The following MEIS2 variants were observed in gnomAD, a reference collection of about 807,000 sequenced individuals.
MEIS2 encodes the protein homeobox protein Meis2.
MEIS2 carries 9 observed loss-of-function variants against 58.6 expected under a neutral mutation model. That is an observed-to-expected ratio of 0.15 (90% CI 0.09 to 0.27). The LOEUF (loss-of-function observed/expected upper bound fraction) is 0.27. Among genes scored for constraint, MEIS2 ranks in the 10% least tolerant of loss-of-function variants. The pLI, the probability that MEIS2 is intolerant of heterozygous loss-of-function variation, is 1.00. For synonymous variants in MEIS2, 221 were observed against 228.4 expected, an observed-to-expected ratio of 0.97 and a Z score of 0.29; for missense variants, 427 against 635.0, an observed-to-expected ratio of 0.67 and a Z score of 3.52.
intron 8 of MEIS2, among the ~76,000 whole-genome samples, chr15:36,975,214 G>GCATTTAGAGCA (rs1463419160): frequency 1.3e-5 from 2 of 152,206 alleles, no homozygotes. Flanking sequence ...CATTTTTAGT[G>GCATTTAGAGCA]TTTTATTTAT....
intron 8 of MEIS2, among the ~76,000 whole-genome samples, chr15:37,012,029 T>C (rs1398731337): frequency 6.6e-6 from 1 of 152,162 alleles, no homozygotes; most frequent in Admixed American, 6.5e-5. Flanking sequence ...TACAAACCTG[T>C]GTAGCAGTTT....
intron 8 of MEIS2, among the ~76,000 whole-genome samples, chr15:37,030,362 T>C (rs1025264843): frequency 4.0e-5 from 6 of 151,204 alleles, no homozygotes; most frequent in African/African-American, 1.5e-4. Context: ...GGTATTTCCA[T>C]TTTTTTTTCT....
chr15:36,895,613 A>T (rs2290187), intron 10 of MEIS2, among the ~76,000 whole-genome samples: 3,063 of 152,338 alleles, frequency 0.02, 42 homozygotes, highest in East Asian at 0.088. Context: ...TGAGGCTGCC[A>T]TCTCTGGTGG....
chr15:37,094,482 A>G (rs368906542), intron 5 of MEIS2, 45 bp downstream of exon 5: 1 of 1,582,666 alleles, frequency 6.3e-7, no homozygotes, highest in South Asian at 1.1e-5. Flanking sequence ...CAACTAGGAG[A>G]GGGAAATGGT....
At chr15:37,071,784 C>T (rs1032440144) in intron 7 of MEIS2, among the ~76,000 whole-genome samples, 1 of 152,034 alleles carries the variant, frequency 6.6e-6, no homozygotes, top group Non-Finnish European at 1.5e-5. Context: ...GAGGCCATAC[C>T]TTTAACCACT....
intron 6 of MEIS2, among the ~76,000 whole-genome samples, chr15:37,087,134 C>T (rs1371800880): frequency 6.6e-6 from 1 of 152,024 alleles, no homozygotes; most frequent in Admixed American, 6.6e-5. Flanking sequence ...CGCCGGGTGC[C>T]CGTGTATGAC....
At chr15:37,044,807 G>A (rs2062592566) in intron 7 of MEIS2, among the ~76,000 whole-genome samples, 1 of 152,112 alleles carries the variant, frequency 6.6e-6, no homozygotes, top group Non-Finnish European at 1.5e-5. Context: ...GTTTGTCTGT[G>A]AGCTTTTGCT....
At chr15:36,943,983 G>C (rs2058466802) in intron 9 of MEIS2, among the ~76,000 whole-genome samples, 1 of 152,064 alleles carries the variant, frequency 6.6e-6, no homozygotes, top group African/African-American at 2.4e-5. Context: ...CTACAAGATA[G>C]AAGGGTGTCT....
chr15:37,055,879 C>T (rs1486059121), intron 7 of MEIS2, among the ~76,000 whole-genome samples: 1 of 152,160 alleles, frequency 6.6e-6, no homozygotes, highest in Admixed American at 6.5e-5. Flanking sequence ...TATTATCTCC[C>T]GTAGTGATTT....
At chr15:37,095,865 C>T (rs1894159513) in intron 3 of MEIS2, 1 of 556,666 alleles carries the variant, frequency 1.8e-6, no homozygotes, top group African/African-American at 1.9e-5. Context: ...TTCTCAGGGC[C>T]TCGAGTTCCA....
chr15:37,059,663 G>A (rs1458506773), intron 7 of MEIS2, among the ~76,000 whole-genome samples: 2 of 151,692 alleles, frequency 1.3e-5, no homozygotes, highest in African/African-American at 4.8e-5. Context: ...TAGGCAAGGT[G>A]TGATGGCTTA....
intron 7 of MEIS2, among the ~76,000 whole-genome samples, chr15:37,071,369 G>A (rs1056811441): frequency 2.0e-5 from 3 of 152,004 alleles, no homozygotes; most frequent in African/African-American, 7.2e-5. Context: ...CTAGAAGTCC[G>A]GGCTTGGGGC....
rs532189433 is a variant in MEIS2 at position 36,988,389 on chromosome 15, G to A, written c.901-37989C>T. Reference sequence around the variant, plus strand: ...TTCCTTGTTTATCTATTTCTTAATTGTATTCCAAATACGAGTTCAGAGACA... The same window carrying A: ...TTCCTTGTTTATCTATTTCTTAATTATATTCCAAATACGAGTTCAGAGACA... On this transcript the variant is annotated intron_variant, in intron 8 of 11. Coordinates refer to ENST00000561208, the MANE Select transcript of MEIS2 (RefSeq NM_170675.5). Among the ~76,000 whole-genome samples the A allele has an allele frequency of 5.9e-5, 9 of 152,200 alleles. No homozygotes were observed. The South Asian group carries it at 1.7e-3, about 28-fold the overall frequency.
chr15:36,914,218 G>C (rs11635240), intron 9 of MEIS2, among the ~76,000 whole-genome samples: 14,628 of 152,242 alleles, frequency 0.096, 854 homozygotes, highest in East Asian at 0.18. Context: ...GACAAAGGAA[G>C]ATGGAGAAGC....
At chr15:37,029,508 A>C (rs1389565482) in intron 8 of MEIS2, among the ~76,000 whole-genome samples, 1 of 152,184 alleles carries the variant, frequency 6.6e-6, no homozygotes, top group Non-Finnish European at 1.5e-5. Context: ...TAATGATAGA[A>C]ATTATCACAG....
At chr15:36,995,972 T>C (rs1265579716) in intron 8 of MEIS2, among the ~76,000 whole-genome samples, 4 of 8,026 alleles carry the variant, frequency 5.0e-4, no homozygotes, top group East Asian at 3.9e-3. Flanking sequence ...TATATATATA[T>C]ATATATATAT....
intron 9 of MEIS2, among the ~76,000 whole-genome samples, chr15:36,911,044 C>T (rs80018728): frequency 1.2e-5 from 1 of 83,282 alleles, no homozygotes; most frequent in Non-Finnish European, 2.4e-5. Flanking sequence ...GACTCTGTCT[C>T]AAAAAAAAAA....
chr15:36,943,343 G>A (rs2058441017), intron 9 of MEIS2, among the ~76,000 whole-genome samples: 2 of 152,136 alleles, frequency 1.3e-5, no homozygotes, highest in African/African-American at 2.4e-5. Context: ...ATGAAGTGCA[G>A]AAGTAGGTAG....
intron 7 of MEIS2, among the ~76,000 whole-genome samples, chr15:37,074,010 T>C (rs1315299936): frequency 6.6e-6 from 1 of 152,052 alleles, no homozygotes; most frequent in Non-Finnish European, 1.5e-5. Context: ...TCCTGAAAAT[T>C]ATTTAGGTTT....
Sources: allele counts gnomAD v4.1 joint callset (sites outside exome capture counted in the v4.1 genomes callset), GRCh38; gene constraint gnomAD v4.1.1; transcripts MANE v1.5; gene names NCBI Gene and HGNC (gene_info 2026-07-23, HGNC 2026-07-21).